Variants in FBN1 observed in about 807,000 individuals in gnomAD.
The protein encoded by FBN1 is fibrillin-1.
FBN1 carries 29 observed loss-of-function variants against 365.1 expected under a neutral mutation model. The ratio of observed to expected loss-of-function variants is 0.08; its 90% CI spans 0.06 to 0.11. The LOEUF (loss-of-function observed/expected upper bound fraction) is 0.11, where lower values mean the gene tolerates loss of function less well. FBN1 is among the 10% of genes least tolerant of loss of function. The probability of loss-of-function intolerance (pLI) is 1.00; values close to 1 mark genes in which losing one functional copy is unlikely to be tolerated. For missense variants in FBN1, 2,476 were observed against 3,703.2 expected (o/e 0.67, Z 8.60); for synonymous variants, 1,210 against 1,270.5 (o/e 0.95, Z 1.01).
At chr15:48,599,036 T>C (rs2044538126) in intron 5 of FBN1, among the ~76,000 whole-genome samples, 1 of 152,200 alleles carries the variant, frequency 6.6e-6, no homozygotes, top group South Asian at 2.1e-4. Context: ...TCCACCATGA[T>C]TATGAAGCCT....
intron 45 of FBN1, among the ~76,000 whole-genome samples, chr15:48,450,373 T>C (rs987715456): frequency 6.6e-6 from 1 of 152,180 alleles, no homozygotes; most frequent in African/African-American, 2.4e-5. Flanking sequence ...CCCTATTTCA[T>C]GATGGTTTAA....
intron 9 of FBN1, among the ~76,000 whole-genome samples, chr15:48,523,712 G>A (rs1204840205): frequency 9.9e-6 from 1 of 101,378 alleles, no homozygotes; most frequent in Non-Finnish European, 2.2e-5. Context: ...AGGGTGGCTG[G>A]GGGGGGGGGG....
Position 48,410,721 on chromosome 15 carries a change from C to T in FBN1, c.*269G>A. 1 of 431,390 alleles carries T rather than the reference C, an allele frequency of 2.3e-6. No individual in the cohort carries two copies. The highest frequency in any genetic ancestry group is 4.2e-5 in the East Asian group (1 of 23,568). 26.7% of individuals were successfully genotyped at this position (431,390 alleles called of 1,614,324 possible). A position where few individuals can be genotyped will look rare whatever the true frequency, so the allele number is the denominator to read the frequency against. On this transcript the variant is annotated 3_prime_UTR_variant, in exon 66 of 66. Coordinates refer to ENST00000316623, the MANE Select transcript of FBN1 (RefSeq NM_000138.5). Reference sequence around the variant, plus strand: ...GCATGTCAGCATAAATGGCCAACCCCCAATGGAAATACACGTCCCAGTTTT... The same window carrying T: ...GCATGTCAGCATAAATGGCCAACCCTCAATGGAAATACACGTCCCAGTTTT...
intron 48 of FBN1, 57 bp downstream of exon 48, chr15:48,445,315 ATGAT>A (rs1349995107): frequency 1.3e-6 from 2 of 1,579,932 alleles, no homozygotes; most frequent in Non-Finnish European, 1.7e-6. Flanking sequence ...CAGAGACTGC[ATGAT>A]TCCTTGAGTG....
chr15:48,600,188 G>A lies in FBN1; in HGVS notation c.393C>T (p.Asp131=), dbSNP rs549054625. The A allele has an allele frequency of 1.5e-5, 25 of 1,613,386 alleles. No homozygotes were observed. The highest frequency in any genetic ancestry group is 5.3e-5 in the African/African-American group (4 of 74,914). ...ATCCTTTCTGGCATAGACAGTGATC[G>A]TCACTGCAGCTACCTCCATTCATAC... ...IRCMNGGSCS[D]DHCLCQKGYI... Residue 131 remains aspartate, a synonymous_variant, in exon 5 of 66, where the codon GAC becomes GAT. Transcript: ENST00000316623.
chr15:48,427,429 A>T, intron 58 of FBN1, 138 bp downstream of exon 58: 1 of 881,318 alleles, frequency 1.1e-6, no homozygotes, highest in Non-Finnish European at 1.8e-6. Flanking sequence ...AAAACTCCAT[A>T]ATGAAGAATT....
At chr15:48,512,004 G>A (rs2043764538) in intron 13 of FBN1, among the ~76,000 whole-genome samples, 1 of 152,062 alleles carries the variant, frequency 6.6e-6, no homozygotes, top group African/African-American at 2.4e-5. Context: ...ATATTAAGAA[G>A]GTTCTCAACT....
chr15:48,532,890 CTATG>C (rs2043985369), intron 8 of FBN1, among the ~76,000 whole-genome samples: 1 of 152,112 alleles, frequency 6.6e-6, no homozygotes, highest in African/African-American at 2.4e-5. Context: ...CCCCGAATAA[CTATG>C]TATAACATGT....
rs752998265 is a variant in FBN1 at position 48,441,782 on chromosome 15, G to A, written c.6102C>T (p.Gly2034=). The change falls in exon 50 of 66, where the codon GGC becomes GGT. Residue 2034 remains glycine (G), a synonymous_variant. Transcript: ENST00000316623. ...CALGTCSNTE[G]SFKCLCPEGF... ...CTTCTGGACACAGACATTTGAAGCT[G>A]CCTTCAGTGTTACTGCATGTGCCCA... The A allele has an allele frequency of 6.2e-7, 1 of 1,613,626 alleles. No individual in the cohort carries two copies. The highest frequency in any genetic ancestry group is 1.7e-5 in the Admixed American group (1 of 59,984).
chr15:48,573,139 G>A (rs903017184), intron 6 of FBN1, among the ~76,000 whole-genome samples: 1 of 152,106 alleles, frequency 6.6e-6, no homozygotes, highest in African/African-American at 2.4e-5. Context: ...CTAAGAAAGC[G>A]TTTCAACTAA....
In FBN1 at chr15:48,422,058, C is replaced by T. The variant is rs1597513869; in HGVS notation, c.7464G>A (p.Glu2488=). ...GGCAGTTGTGTTGCTTGGTTGCACA[C>T]TCATCAAGATCTACAAGAAAATGCA... ...EDGRSCKDLD[E]CATKQHNCQF... Residue 2488 remains glutamate (E), a synonymous_variant, in exon 61 of 66, where the codon GAG becomes GAA. Transcript: ENST00000316623. The T allele has an allele frequency of 6.2e-7, 1 of 1,611,826 alleles. No homozygotes were observed. Among genetic ancestry groups the T allele is most frequent in the South Asian group, 1.1e-5 (1 of 91,040 alleles).
intron 50 of FBN1, among the ~76,000 whole-genome samples, chr15:48,438,692 A>G (rs900152723): frequency 9.9e-5 from 15 of 152,200 alleles, no homozygotes; most frequent in Non-Finnish European, 1.9e-4. Context: ...TTGAAAGAAT[A>G]TATTTCAATA....
intron 42 of FBN1, among the ~76,000 whole-genome samples, chr15:48,462,616 T>C (rs1254219590): frequency 2.0e-5 from 3 of 152,214 alleles, no homozygotes; most frequent in African/African-American, 7.2e-5. Flanking sequence ...CTCCTGGCTC[T>C]TTCTTATTCT....
At chr15:48,417,891 G>A (rs1452228046) in intron 63 of FBN1, among the ~76,000 whole-genome samples, 2 of 152,194 alleles carry the variant, frequency 1.3e-5, no homozygotes, top group African/African-American at 4.8e-5. Flanking sequence ...TTGGCCCCAG[G>A]TGGCTGATCT....
At chr15:48,560,334 A>G (rs1044500037) in intron 6 of FBN1, among the ~76,000 whole-genome samples, 4 of 152,262 alleles carry the variant, frequency 2.6e-5, no homozygotes, top group East Asian at 1.9e-4. Flanking sequence ...AAATCACTTA[A>G]TCTCTAAGTC....
At chr15:48,433,112 G>T in intron 54 of FBN1, 124 bp from the exon 55 acceptor site, 1 of 974,874 alleles carries the variant, frequency 1.0e-6, no homozygotes, top group Non-Finnish European at 1.6e-6. Flanking sequence ...AAACATGGAT[G>T]GATCAAGTGG....
intron 2 of FBN1, among the ~76,000 whole-genome samples, chr15:48,630,746 A>AAAAG (rs1555406625): frequency 7.6e-5 from 11 of 145,390 alleles, no homozygotes; most frequent in African/African-American, 2.8e-4. Context: ...AAAAAAAAAA[A>AAAAG]AAAAGAAAAG....
intron 6 of FBN1, among the ~76,000 whole-genome samples, chr15:48,541,221 G>T (rs1221538011): frequency 6.6e-6 from 1 of 151,942 alleles, no homozygotes; most frequent in Non-Finnish European, 1.5e-5. Flanking sequence ...TCTATATTAG[G>T]CATCCCAACA....
chr15:48,580,688 T>C (rs754034035), intron 6 of FBN1, among the ~76,000 whole-genome samples: 30 of 152,180 alleles, frequency 2.0e-4, no homozygotes, highest in Non-Finnish European at 3.7e-4. Flanking sequence ...CAAACTTCCT[T>C]GTGACCAAAT....
Sources: allele counts gnomAD v4.1 joint callset (sites outside exome capture counted in the v4.1 genomes callset), GRCh38; gene constraint gnomAD v4.1.1; transcripts MANE v1.5; gene names NCBI Gene and HGNC (gene_info 2026-07-23, HGNC 2026-07-21).